The following MORC1 variants were observed in gnomAD, a reference collection of about 807,000 sequenced individuals.
MORC1 encodes MORC family CW-type zinc finger 1.
A neutral mutation model predicts 134.9 loss-of-function variants in MORC1; 59 were observed. The ratio of observed to expected loss-of-function variants is 0.44; its 90% CI spans 0.35 to 0.54. The LOEUF is 0.54. MORC1 is among the 20% of genes least tolerant of loss of function. MORC1 has a pLI of 0.00. For synonymous variants in MORC1, 395 were observed against 391.7 expected (o/e 1.01, Z -0.10); for missense variants, 947 against 1,134.5 (o/e 0.83, Z 2.37).
intron 14 of MORC1, among the ~76,000 whole-genome samples, chr3:109,038,927 TTTTTGTTA>T (rs2107626638): frequency 6.6e-6 from 1 of 152,290 alleles, no homozygotes; most frequent in African/African-American, 2.4e-5. Context: ...ACAGGCTCTT[TTTTTGTTA>T]AGACAGAGTC....
At chr3:109,101,766 T>C (rs1950930345) in intron 4 of MORC1, among the ~76,000 whole-genome samples, 1 of 152,214 alleles carries the variant, frequency 6.6e-6, no homozygotes, top group Admixed American at 6.5e-5. Flanking sequence ...AGAAAGGTAT[T>C]ATTACTATGA....
At chr3:109,012,769 G>A (rs141516193) in intron 17 of MORC1, among the ~76,000 whole-genome samples, 98 of 152,252 alleles carry the variant, frequency 6.4e-4, no homozygotes, top group African/African-American at 2.3e-3. Context: ...CTGCAACCTT[G>A]CTAAAGCTCA....
At chr3:108,986,845 A>AATATAT in intron 22 of MORC1, 35 bp downstream of exon 22, 2 of 1,244,968 alleles carry the variant, frequency 1.6e-6, no homozygotes, top group Non-Finnish European at 2.2e-6. Context: ...CATTATAGCT[A>AATATAT]ATATATATAT....
intron 16 of MORC1, among the ~76,000 whole-genome samples, chr3:109,030,183 C>G (rs1425268155): frequency 6.6e-6 from 1 of 152,206 alleles, no homozygotes; most frequent in Non-Finnish European, 1.5e-5. Context: ...CACCCCATTA[C>G]TCCGTCCTGC....
chr3:109,006,349 A>G (rs936404812), intron 18 of MORC1, among the ~76,000 whole-genome samples: 12 of 152,208 alleles, frequency 7.9e-5, no homozygotes, highest in African/African-American at 2.4e-4. Context: ...AATTTAAAAA[A>G]CACAAACACA....
In MORC1 at chr3:108,959,054, G is replaced by A; in HGVS notation, c.2866C>T (p.Leu956Phe). The change falls in exon 28 of 28, where the codon CTT becomes TTT. Residue 956 changes from leucine (L) to phenylalanine (F), a missense_variant. This residue lies in a region of MORC1 where 722 missense variants were observed against 817.0 expected (regional missense o/e 0.88). Coordinates refer to ENST00000232603, the MANE Select transcript of MORC1 (RefSeq NM_014429.4). ...YLEALLKEDNLLFQNNLNKVT... is the reference protein window; with the variant it reads ...YLEALLKEDNFLFQNNLNKVT... ...TTATTTAAATTGTTCTGGAAGAGAA[G>A]ATTATCTTCTTTAAGCAAAGCTTCT... 1 of 1,575,270 alleles carries A rather than the reference G, an allele frequency of 6.3e-7. No homozygotes were observed. Among genetic ancestry groups the A allele is most frequent in the African/African-American group, 1.4e-5 (1 of 72,434 alleles).
At chr3:109,041,519 C>T (rs1388626313) in intron 14 of MORC1, among the ~76,000 whole-genome samples, 1 of 152,064 alleles carries the variant, frequency 6.6e-6, no homozygotes, top group Non-Finnish European at 1.5e-5. Flanking sequence ...CAAGACCAGC[C>T]TGGCCAACAT....
rs186850054 is a variant in MORC1, at chr3:109,046,083, C to A, written c.1330+8645G>T. Reference sequence around the variant, plus strand: ...TAATTTTATATTTTACTACCCACAACTACATCTCTATACATATAAAAATCT... The same window carrying A: ...TAATTTTATATTTTACTACCCACAAATACATCTCTATACATATAAAAATCT... On this transcript the variant is annotated intron_variant, in intron 14 of 27. Transcript: ENST00000232603. 9.2e-4 allele frequency among the ~76,000 whole-genome samples: 140 copies of A among 152,328 alleles called. 2 individuals are homozygous for A. The highest frequency in any genetic ancestry group is 3.4e-3 in the Middle Eastern group (1 of 294).
intron 13 of MORC1, among the ~76,000 whole-genome samples, chr3:109,056,100 G>T (rs1020072179): frequency 3.3e-5 from 5 of 152,160 alleles, no homozygotes; most frequent in African/African-American, 1.2e-4. Flanking sequence ...ATGCAGAGAG[G>T]GTAGGGTATT....
intron 2 of MORC1, 93 bp from the exon 3 acceptor site, chr3:109,110,876 T>G (rs1054184974): frequency 2.2e-6 from 2 of 907,308 alleles, no homozygotes; most frequent in Non-Finnish European, 3.3e-6. Context: ...AATACAAAAA[T>G]CCACTTAAAT....
chr3:109,026,463 C>A (rs1949075709), intron 17 of MORC1, among the ~76,000 whole-genome samples: 1 of 152,114 alleles, frequency 6.6e-6, no homozygotes, highest in African/African-American at 2.4e-5. Flanking sequence ...AACACAACAT[C>A]CAATTCTAAA....
chr3:109,069,812 T>C (rs1359935014), intron 8 of MORC1, 55 bp from the exon 9 acceptor site: 10 of 1,518,860 alleles, frequency 6.6e-6, no homozygotes, highest in Admixed American at 5.7e-5. Context: ...ACTACATCTC[T>C]TTGAGAAGAA....
intron 8 of MORC1, among the ~76,000 whole-genome samples, chr3:109,088,006 G>T (rs554815510): frequency 4.5e-4 from 68 of 152,192 alleles, no homozygotes; most frequent in African/African-American, 1.6e-3. Flanking sequence ...ATGGTGCTGG[G>T]ATAACTGGCT....
Position 109,035,402 on chromosome 3 carries a change from G to A in MORC1, c.1397C>T (p.Pro466Leu). ...GYQNDIDVEK[P>L]LNSFQYQRRQ... is the part of the protein sequence containing the mutation. ...TCTTTGATATTGAAAAGAATTTAAA[G>A]GTTTCTCCACATCGATGTCATTCTG... Residue 466 changes from proline to leucine, a missense_variant, in exon 15 of 28, where the codon CCT (proline) becomes CTT (leucine). By Grantham distance (98) the Pro-to-Leu change is moderately conservative. Coordinates refer to ENST00000232603, the MANE Select transcript of MORC1 (RefSeq NM_014429.4). 3.2e-6 allele frequency: 5 copies of A among 1,564,212 alleles called. No homozygotes were observed. Among genetic ancestry groups the A allele is most frequent in the Non-Finnish European group, 4.4e-6 (5 of 1,145,334 alleles).
intron 8 of MORC1, among the ~76,000 whole-genome samples, chr3:109,087,093 T>G (rs576235160): frequency 1.8e-4 from 27 of 152,184 alleles, no homozygotes; most frequent in African/African-American, 6.0e-4. Flanking sequence ...ATATTTGTAA[T>G]ACTAATTGAA....
intron 6 of MORC1, among the ~76,000 whole-genome samples, chr3:109,095,935 T>C (rs1433286497): frequency 2.0e-5 from 3 of 152,162 alleles, no homozygotes; most frequent in Non-Finnish European, 2.9e-5. Flanking sequence ...ACTGGACTTA[T>C]CTTTAAAGTA....
chr3:109,101,206 G>A lies in MORC1; in HGVS notation c.224-699C>T, dbSNP rs530023939. 4.6e-5 allele frequency among the ~76,000 whole-genome samples: 7 copies of A among 152,288 alleles called. No individual in the cohort carries two copies. In the South Asian group the frequency reaches 1.4e-3, roughly 32 times the overall value. On this transcript the variant is annotated intron_variant, in intron 4 of 27. Transcript: ENST00000232603. ...GAACACAAAACTTGGCACTTGGTGGGTGTTACCAAATTACAAGTGTTATAA... is the reference window on the plus strand; with the variant it reads ...GAACACAAAACTTGGCACTTGGTGGATGTTACCAAATTACAAGTGTTATAA...
rs114419360 is a variant in MORC1 at position 109,009,933 on chromosome 3, G to A, written c.1705-2842C>T. ...TGGGTATTCAAATTGTTCAAATATT[G>A]TGTCTCCTTCTTACTGCTATCATTC... is the stretch of plus-strand genomic sequence containing the variant. On this transcript the variant is annotated intron_variant, in intron 17 of 27. Coordinates refer to ENST00000232603, the MANE Select transcript of MORC1 (RefSeq NM_014429.4). 7.3e-3 allele frequency among the ~76,000 whole-genome samples: 1,109 copies of A among 152,134 alleles called. 9 individuals are homozygous for A. The highest frequency in any genetic ancestry group is 0.016 in the African/African-American group (655 of 41,524).
intron 27 of MORC1, 78 bp downstream of exon 27, chr3:108,963,336 A>C (rs1169874452): frequency 3.3e-6 from 4 of 1,206,916 alleles, no homozygotes; most frequent in African/African-American, 1.5e-5. Context: ...TAAGTGAATG[A>C]CAATGTTAGG....
Sources: allele counts gnomAD v4.1 joint callset (sites outside exome capture counted in the v4.1 genomes callset), GRCh38; gene constraint gnomAD v4.1.1; regional missense constraint gnomAD v4.1.1; transcripts MANE v1.5; gene names NCBI Gene and HGNC (gene_info 2026-07-23, HGNC 2026-07-21).